Variants in SPOCK1 observed in about 807,000 individuals in gnomAD.
SPOCK1 encodes the protein SPARC (osteonectin), cwcv and kazal like domains proteoglycan 1.
In SPOCK1, 23 loss-of-function variants were observed where a neutral mutation model predicts 55.3. The observed-to-expected ratio is 0.42, with a 90% CI of 0.30 to 0.59. The LOEUF is 0.59. Ranked by LOEUF, SPOCK1 falls within the 20% of genes least tolerant of loss-of-function variation. The pLI is 0.22. For missense variants in SPOCK1, 499 were observed against 552.5 expected, an observed-to-expected ratio of 0.90 and a Z score of 0.97; for synonymous variants, 226 against 221.0, an observed-to-expected ratio of 1.02 and a Z score of -0.20.
chr5:137,186,726 C>T lies in SPOCK1; in HGVS notation c.233-46032G>A, dbSNP rs540958925. Among the ~76,000 whole-genome samples the T allele has an allele frequency of 5.9e-5, 9 of 152,332 alleles. No homozygotes were observed. The East Asian group carries it at 1.2e-3, about 20-fold the overall frequency. The stretch of plus-strand genomic sequence containing the variant: ...TTTCAATTATCTCAGGATTCCCAAA[C>T]GTCCAGCCTGGGAGGCACAAGGCAG... On this transcript the variant is annotated intron_variant, in intron 3 of 10. Transcript: ENST00000394945.
intron 2 of SPOCK1, among the ~76,000 whole-genome samples, chr5:137,291,451 A>T (rs911307551): frequency 6.6e-6 from 1 of 152,260 alleles, no homozygotes; most frequent in Admixed American, 6.5e-5. Context: ...CTGAAAGGTC[A>T]GTAAGATCTC....
At chr5:137,189,601 A>C (rs1365272934) in intron 3 of SPOCK1, among the ~76,000 whole-genome samples, 1 of 152,206 alleles carries the variant, frequency 6.6e-6, no homozygotes, top group East Asian at 1.9e-4. Context: ...CTGGTCATTC[A>C]AGAGCTCTGA....
At chr5:137,067,936 GCAGGGAGAGGTCGACCT>G in intron 5 of SPOCK1, 107 bp from the exon 6 acceptor site, 1 of 856,184 alleles carries the variant, frequency 1.2e-6, no homozygotes, top group Non-Finnish European at 1.9e-6. Context: ...CAAAGACAAA[GCAGGGAGAGGTCGACCT>G]CAGGTAGAGG....
At chr5:137,010,821 T>C (rs1360850170) in intron 6 of SPOCK1, among the ~76,000 whole-genome samples, 4 of 152,200 alleles carry the variant, frequency 2.6e-5, no homozygotes, top group Non-Finnish European at 5.9e-5. Flanking sequence ...TCTGGGTTTA[T>C]AGATTGTTGC....
intron 4 of SPOCK1, among the ~76,000 whole-genome samples, chr5:137,117,815 T>C (rs1329166919): frequency 6.6e-6 from 1 of 152,164 alleles, no homozygotes; most frequent in Admixed American, 6.5e-5. Context: ...GGCTAAGGAT[T>C]CCCATACTCT....
At chr5:137,051,715 A>G (rs554938339) in intron 6 of SPOCK1, among the ~76,000 whole-genome samples, 1 of 152,228 alleles carries the variant, frequency 6.6e-6, no homozygotes, top group Non-Finnish European at 1.5e-5. Flanking sequence ...GAGAAAAAAA[A>G]TCAGCATCCT....
chr5:137,020,467 T>C (rs1467012069), intron 6 of SPOCK1, among the ~76,000 whole-genome samples: 1 of 146,710 alleles, frequency 6.8e-6, no homozygotes, highest in African/African-American at 2.6e-5. Flanking sequence ...ATAAAAGATA[T>C]TCAGAAGAAA....
chr5:137,041,640 A>G (rs1752000231), intron 6 of SPOCK1, among the ~76,000 whole-genome samples: 2 of 152,230 alleles, frequency 1.3e-5, no homozygotes, highest in Non-Finnish European at 2.9e-5. Context: ...CAACTTTAAA[A>G]GTGTACAAAA....
chr5:137,040,410 G>C (rs1751972770), intron 6 of SPOCK1, among the ~76,000 whole-genome samples: 1 of 152,226 alleles, frequency 6.6e-6, no homozygotes. Flanking sequence ...TTGCAGAGAA[G>C]AGATAAGTGC....
At chr5:137,337,885 A>G (rs1313304827) in intron 2 of SPOCK1, among the ~76,000 whole-genome samples, 2 of 152,054 alleles carry the variant, frequency 1.3e-5, no homozygotes, top group Non-Finnish European at 2.9e-5. Flanking sequence ...GCAAGAATAC[A>G]CTCTGGCCAC....
chr5:137,039,270 C>CT lies in SPOCK1; in HGVS notation c.589+28444dup, dbSNP rs11479277. 8.9e-3 allele frequency among the ~76,000 whole-genome samples: 794 copies of CT among 88,814 alleles called. 77 individuals carry two copies. The highest frequency in any genetic ancestry group is 0.015 in the African/African-American group (391 of 26,902). 58.3% of individuals were successfully genotyped at this position (88,814 alleles called of 152,430 possible). A position where few individuals can be genotyped will look rare whatever the true frequency, so the allele number is the denominator to read the frequency against. On this transcript the variant is annotated intron_variant, in intron 6 of 10. Transcript: ENST00000394945. ...TCACTCTGCCTTTCTGCCTGCCACA[C>CT]TTTTTTTTTTTTTTTTTTTTTTTTT... is the stretch of plus-strand genomic sequence containing the variant.
intron 6 of SPOCK1, among the ~76,000 whole-genome samples, chr5:137,051,053 T>C (rs1752198026): frequency 6.6e-6 from 1 of 152,216 alleles, no homozygotes; most frequent in African/African-American, 2.4e-5. Flanking sequence ...CAAAATGATT[T>C]TGAATATCGT....
At chr5:137,350,448 G>T (rs548494070) in intron 2 of SPOCK1, among the ~76,000 whole-genome samples, 2 of 152,192 alleles carry the variant, frequency 1.3e-5, no homozygotes, top group Non-Finnish European at 2.9e-5. Flanking sequence ...ACCACGTGGC[G>T]TCAACTGAGG....
intron 2 of SPOCK1, among the ~76,000 whole-genome samples, chr5:137,411,506 C>G (rs992311681): frequency 9.2e-5 from 14 of 152,174 alleles, no homozygotes; most frequent in Admixed American, 8.5e-4. Context: ...ATTTCAAGAA[C>G]AGTAAAGACA....
chr5:137,492,736 A>G (rs928930927), intron 2 of SPOCK1, among the ~76,000 whole-genome samples: 2 of 152,172 alleles, frequency 1.3e-5, no homozygotes, highest in African/African-American at 4.8e-5. Context: ...TAGACCAGAA[A>G]CCTGCGAGAG....
At chr5:137,151,142 A>G (rs1190670552) in intron 3 of SPOCK1, among the ~76,000 whole-genome samples, 1 of 151,004 alleles carries the variant, frequency 6.6e-6, no homozygotes, top group Non-Finnish European at 1.5e-5. Flanking sequence ...TAAAATTTAT[A>G]TTTTGTATTT....
chr5:137,455,863 T>A (rs1053930209), intron 2 of SPOCK1, among the ~76,000 whole-genome samples: 2 of 151,766 alleles, frequency 1.3e-5, no homozygotes, highest in Admixed American at 1.3e-4. Flanking sequence ...ACTCCACCTC[T>A]GCAAAAAGTA....
chr5:137,131,920 C>T (rs1351257300), intron 4 of SPOCK1, among the ~76,000 whole-genome samples: 1 of 88,336 alleles, frequency 1.1e-5, no homozygotes, highest in Non-Finnish European at 2.2e-5. Flanking sequence ...TGCAGTGAGC[C>T]GAGATCGCGC....
chr5:137,476,924 C>G (rs1315460260), intron 2 of SPOCK1, among the ~76,000 whole-genome samples: 1 of 144,926 alleles, frequency 6.9e-6, no homozygotes, highest in African/African-American at 2.5e-5. Context: ...GACTCTGTCT[C>G]AAAAAAAAAA....
Sources: gnomAD v4.1 joint callset for allele counts (sites outside exome capture counted in the v4.1 genomes callset) on GRCh38, gnomAD v4.1.1 for gene constraint, MANE v1.5 for transcripts, NCBI Gene and HGNC (gene_info 2026-07-23, HGNC 2026-07-21) for gene names.